Variants in SGCD observed in about 807,000 individuals in gnomAD.
SGCD encodes the protein delta-sarcoglycan.
SGCD carries 18 observed loss-of-function variants against 36.6 expected under a neutral mutation model. The ratio of observed to expected loss-of-function variants is 0.49; its 90% CI spans 0.34 to 0.73. The LOEUF (loss-of-function observed/expected upper bound fraction) is 0.73, where lower values mean the gene tolerates loss of function less well. Ranked by LOEUF, SGCD falls within the 30% of genes least tolerant of loss-of-function variation. SGCD has a pLI of 0.01. For missense variants in SGCD, 387 were observed against 346.7 expected (o/e 1.12, Z -0.92); for synonymous variants, 133 against 130.6 (o/e 1.02, Z -0.12).
chr5:156,303,653 T>C (rs760230178), intron 3 of SGCD, among the ~76,000 whole-genome samples: 2 of 151,518 alleles, frequency 1.3e-5, no homozygotes, highest in East Asian at 4.0e-4. Context: ...TCATGGCCCA[T>C]GGGCTTATTA....
At chr5:155,996,787 A>G (rs900271785) in intron 1 of SGCD, among the ~76,000 whole-genome samples, 1 of 151,794 alleles carries the variant, frequency 6.6e-6, no homozygotes, top group Non-Finnish European at 1.5e-5. Context: ...TCAAAAAAAA[A>G]AAAAAAAGAT....
chr5:155,934,658 C>G lies in SGCD; in HGVS notation c.-282+64234C>G, dbSNP rs1216574384. Among the ~76,000 whole-genome samples, 4 of 152,110 alleles carry G rather than the reference C, an allele frequency of 2.6e-5. No individual in the cohort carries two copies. In the East Asian group the frequency reaches 7.7e-4, roughly 29 times the overall value. On this transcript the variant is annotated intron_variant, in intron 1 of 9. Coordinates refer to the SGCD transcript ENST00000517913. ...ACCATTGTAGTGGAAATTTGTCATT[C>G]TTTTTAACTGCTCAGCATCTGAACC...
chr5:156,757,418 T>C (rs1757380399), intron 7 of SGCD, among the ~76,000 whole-genome samples, 163 bp from the exon 8 acceptor site: 1 of 151,710 alleles, frequency 6.6e-6, no homozygotes, highest in African/African-American at 2.4e-5. Flanking sequence ...CCTAGACTTA[T>C]TATGCTCCCT....
chr5:156,414,688 G>T (rs553495568), intron 3 of SGCD, among the ~76,000 whole-genome samples: 2 of 152,252 alleles, frequency 1.3e-5, no homozygotes, highest in South Asian at 4.2e-4. Flanking sequence ...CTCACAGGCT[G>T]TACTTTGCAG....
At chr5:156,421,699 T>C (rs1231000264) in intron 3 of SGCD, among the ~76,000 whole-genome samples, 6 of 152,068 alleles carry the variant, frequency 3.9e-5, no homozygotes, top group African/African-American at 1.2e-4. Flanking sequence ...AAATGAGCGC[T>C]TTTAGCAGCA....
At chr5:156,082,446 A>G in intron 1 of SGCD, among the ~76,000 whole-genome samples, 1 of 152,146 alleles carries the variant, frequency 6.6e-6, no homozygotes, top group Non-Finnish European at 1.5e-5. Flanking sequence ...TAAAAATTTG[A>G]TCACTTCAAT....
intron 1 of SGCD, among the ~76,000 whole-genome samples, chr5:156,034,085 C>G (rs972715709): frequency 2.0e-5 from 3 of 152,190 alleles, no homozygotes; most frequent in Non-Finnish European, 4.4e-5. Flanking sequence ...AATAGTCCCT[C>G]TCTCCTACCC....
intron 3 of SGCD, among the ~76,000 whole-genome samples, chr5:156,167,986 G>A (rs975287861): frequency 2.0e-5 from 3 of 152,348 alleles, no homozygotes; most frequent in African/African-American, 7.2e-5. Flanking sequence ...TCAGCACCAT[G>A]TCTTAGTTTT....
At chr5:156,514,068 T>G (rs6883496) in intron 4 of SGCD, among the ~76,000 whole-genome samples, 42,181 of 152,132 alleles carry the variant, frequency 0.28, 5,984 homozygotes, top group Non-Finnish European at 0.31. Context: ...GATATCTTTT[T>G]AATTGCTAAG....
intron 3 of SGCD, among the ~76,000 whole-genome samples, chr5:156,434,211 CTG>C (rs994892738): frequency 6.6e-6 from 1 of 152,154 alleles, no homozygotes; most frequent in Non-Finnish European, 1.5e-5. Context: ...CTTCTGAATG[CTG>C]TGTGTGTGTA....
At chr5:156,463,138 G>A (rs1316259649) in intron 3 of SGCD, among the ~76,000 whole-genome samples, 3 of 137,348 alleles carry the variant, frequency 2.2e-5, no homozygotes, top group East Asian at 2.6e-4. Context: ...TGTTTTTTTG[G>A]TTTGTTTGTT....
the SGCD span, among the ~76,000 whole-genome samples, chr5:155,748,081 C>T: frequency 6.6e-6 from 1 of 152,096 alleles, no homozygotes; most frequent in Non-Finnish European, 1.5e-5. Flanking sequence ...CCAACTCTGA[C>T]CAGGGCTGCT....
intron 3 of SGCD, among the ~76,000 whole-genome samples, chr5:156,141,836 T>C (rs1052889172): frequency 1.3e-5 from 2 of 152,208 alleles, no homozygotes; most frequent in African/African-American, 4.8e-5. Context: ...GAGAGAAGTA[T>C]ACCTCATATG....
intron 7 of SGCD, among the ~76,000 whole-genome samples, chr5:156,657,068 C>A (rs987232752): frequency 6.6e-6 from 1 of 152,056 alleles, no homozygotes; most frequent in African/African-American, 2.4e-5. Flanking sequence ...ATGTCTATAA[C>A]CAACTAAATA....
the SGCD span, among the ~76,000 whole-genome samples, chr5:155,739,879 T>G: frequency 6.6e-6 from 1 of 152,276 alleles, no homozygotes; most frequent in Middle Eastern, 3.4e-3. Flanking sequence ...AACTTATAGA[T>G]TTTTATCATT....
chr5:156,082,935 A>ATTT (rs538767785), intron 1 of SGCD, among the ~76,000 whole-genome samples: 3 of 146,428 alleles, frequency 2.0e-5, no homozygotes, highest in African/African-American at 7.5e-5. Flanking sequence ...TGTTGTCGCT[A>ATTT]ATTTTTTTTT....
intron 1 of SGCD, among the ~76,000 whole-genome samples, chr5:155,986,938 T>A (rs1306359507): frequency 1.3e-5 from 2 of 152,174 alleles, no homozygotes; most frequent in African/African-American, 4.8e-5. Context: ...GTTTCCTGAC[T>A]GCAAAGCTCT....
At chr5:156,738,521 C>G (rs1230813321) in intron 7 of SGCD, 4 of 152,206 alleles carry the variant, frequency 2.6e-5, no homozygotes, top group Non-Finnish European at 5.9e-5. Context: ...AGCTTTTCCT[C>G]TCTCATAGTT....
chr5:156,301,679 C>T (rs1767056865), intron 3 of SGCD, among the ~76,000 whole-genome samples: 2 of 151,946 alleles, frequency 1.3e-5, no homozygotes, highest in Non-Finnish European at 2.9e-5. Flanking sequence ...TTTAGCCTTT[C>T]TTGTAAGATA....
Sources: allele counts gnomAD v4.1 joint callset (sites outside exome capture counted in the v4.1 genomes callset), GRCh38; gene constraint gnomAD v4.1.1; transcripts MANE v1.5; gene names NCBI Gene and HGNC (gene_info 2026-07-23, HGNC 2026-07-21).